Variants in RAB2A observed in about 807,000 individuals in gnomAD.
RAB2A encodes ras-related protein Rab-2A.
In RAB2A, 7 loss-of-function variants were observed where a neutral mutation model predicts 32.5. The ratio of observed to expected loss-of-function variants is 0.22; its 90% CI spans 0.12 to 0.40. The LOEUF (loss-of-function observed/expected upper bound fraction) is 0.40, where lower values mean the gene tolerates loss of function less well. RAB2A is among the 10% of genes least tolerant of loss of function. The pLI is 1.00. For synonymous variants in RAB2A, 79 were observed against 85.2 expected (o/e 0.93, Z 0.40); for missense variants, 108 against 260.7 (o/e 0.41, Z 4.03).
chr8:60,531,547 G>C (rs1807476201), intron 1 of RAB2A, among the ~76,000 whole-genome samples: 1 of 152,178 alleles, frequency 6.6e-6, no homozygotes, highest in Non-Finnish European at 1.5e-5. Flanking sequence ...TTTCCTATCT[G>C]TTGAGCATCC....
In RAB2A at chr8:60,623,601, A is replaced by G. The variant is rs1189265030; in HGVS notation, c.*2832A>G. 4 of 152,256 alleles carry G rather than the reference A, an allele frequency of 2.6e-5. No individual in the cohort carries two copies. Among genetic ancestry groups the G allele is most frequent in the Non-Finnish European group, 5.9e-5 (4 of 68,038 alleles). The allele number at this position is 152,256 out of a possible 1,614,324, so 9.4% of individuals were successfully genotyped here. A position where few individuals can be genotyped will look rare whatever the true frequency, so the allele number is the denominator to read the frequency against. On this transcript the variant is annotated 3_prime_UTR_variant, in exon 8 of 8. Transcript: ENST00000262646. ...GTTTAGATGTGTGCTTTATGTTTAC[A>G]TTAAAATAAAGCCTAACGCCACAGT...
intron 6 of RAB2A, among the ~76,000 whole-genome samples, chr8:60,597,585 T>TA (rs1804049893): frequency 6.6e-6 from 1 of 151,610 alleles, no homozygotes; most frequent in East Asian, 1.9e-4. Flanking sequence ...AAGTATAATT[T>TA]AAAAAAACAA....
intron 1 of RAB2A, among the ~76,000 whole-genome samples, chr8:60,545,679 T>C (rs549123830): frequency 6.6e-6 from 1 of 152,314 alleles, no homozygotes; most frequent in South Asian, 2.1e-4. Context: ...TGAGGGACAG[T>C]GACTCCGACC....
intron 3 of RAB2A, among the ~76,000 whole-genome samples, chr8:60,582,675 G>A (rs1334725425): frequency 2.6e-5 from 4 of 152,190 alleles, no homozygotes; most frequent in African/African-American, 9.6e-5. Flanking sequence ...ACCACACTTG[G>A]CTAATTTTTA....
intron 7 of RAB2A, 58 bp downstream of exon 7, chr8:60,618,706 A>G (rs1804486846): frequency 1.6e-6 from 1 of 631,366 alleles, no homozygotes; most frequent in Middle Eastern, 5.1e-4. Flanking sequence ...TTTGATTACT[A>G]TTTTATATTT....
chr8:60,583,873 T>C (rs2130848618), intron 3 of RAB2A, among the ~76,000 whole-genome samples: 1 of 152,336 alleles, frequency 6.6e-6, no homozygotes, highest in East Asian at 1.9e-4. Flanking sequence ...GCTTAGTTGC[T>C]AGGAGTCCAT....
chr8:60,619,138 C>CATAT (rs139755716), intron 7 of RAB2A: 16 of 126,726 alleles, frequency 1.3e-4, no homozygotes, highest in African/African-American at 7.6e-4. Context: ...AGACTAAATT[C>CATAT]ATATATATAT....
intron 1 of RAB2A, among the ~76,000 whole-genome samples, chr8:60,546,612 TTAAA>T (rs1171888173): frequency 6.6e-6 from 1 of 152,216 alleles, no homozygotes; most frequent in Non-Finnish European, 1.5e-5. Flanking sequence ...GTTTGTTTAA[TTAAA>T]TAATAATACT....
chr8:60,567,003 TTAAA>T (rs1808124860), intron 2 of RAB2A, among the ~76,000 whole-genome samples: 2 of 152,242 alleles, frequency 1.3e-5, no homozygotes, highest in South Asian at 4.1e-4. Context: ...ACACCATTAA[TTAAA>T]TAAGCCATTC....
intron 6 of RAB2A, among the ~76,000 whole-genome samples, chr8:60,596,594 A>G (rs1804032813): frequency 6.6e-6 from 1 of 152,230 alleles, no homozygotes; most frequent in African/African-American, 2.4e-5. Context: ...ACAATGAGAT[A>G]CCATCTCATG....
chr8:60,546,891 C>CTTTTTTTTTTTTTTTTTTTTTT (rs6150606), intron 1 of RAB2A, among the ~76,000 whole-genome samples: 1 of 98,948 alleles, frequency 1.0e-5, no homozygotes, highest in Non-Finnish European at 2.0e-5. Context: ...TTTTTTGGGT[C>CTTTTTTTTTTTTTTTTTTTTTT]TTTTTTTTTT....
Position 60,621,953 on chromosome 8 carries a change from A to G in RAB2A, c.*1184A>G, listed in dbSNP as rs549850657. 6.0e-4 allele frequency: 92 copies of G among 152,276 alleles called. No individual in the cohort carries two copies. Among genetic ancestry groups the G allele is most frequent in the African/African-American group, 2.1e-3 (86 of 41,554 alleles). 9.4% of individuals were successfully genotyped at this position (152,276 alleles called of 1,614,324 possible). ...TTTTTTTCTTTTTCTCCCTTGGTCT[A>G]TAATGAAATTGTTACAGCAGTGCAA... On this transcript the variant is annotated 3_prime_UTR_variant, in exon 8 of 8. Coordinates refer to ENST00000262646, the MANE Select transcript of RAB2A (RefSeq NM_002865.3).
intron 3 of RAB2A, among the ~76,000 whole-genome samples, chr8:60,578,642 G>A (rs184240908): frequency 3.6e-3 from 550 of 152,288 alleles, no homozygotes; most frequent in Non-Finnish European, 6.0e-3. Context: ...TTTAATTCAG[G>A]ATATTTAGAG....
intron 6 of RAB2A, among the ~76,000 whole-genome samples, 162 bp from the exon 7 acceptor site, chr8:60,618,418 T>G (rs1235576832): frequency 6.6e-6 from 1 of 152,136 alleles, no homozygotes; most frequent in African/African-American, 2.4e-5. Flanking sequence ...ATTACATCGA[T>G]TGTTCTTTAT....
intron 1 of RAB2A, among the ~76,000 whole-genome samples, chr8:60,548,982 C>T (rs913372507): frequency 9.3e-5 from 14 of 150,300 alleles, no homozygotes; most frequent in African/African-American, 3.0e-4. Context: ...AGGGCAGAGA[C>T]GCTCCTCACA....
At chr8:60,604,038 G>A (rs1452920758) in intron 6 of RAB2A, among the ~76,000 whole-genome samples, 1 of 152,128 alleles carries the variant, frequency 6.6e-6, no homozygotes, top group East Asian at 1.9e-4. Flanking sequence ...ATTAGATCAC[G>A]GGAGCAGTTT....
chr8:60,565,265 A>G (rs189716883), intron 2 of RAB2A, among the ~76,000 whole-genome samples: 8 of 152,256 alleles, frequency 5.3e-5, no homozygotes, highest in Non-Finnish European at 8.8e-5. Context: ...CAAAAAGTTT[A>G]AAAACTAGTC....
At chr8:60,618,319 G>A (rs559425072) in intron 6 of RAB2A, among the ~76,000 whole-genome samples, 121 of 152,230 alleles carry the variant, frequency 7.9e-4, no homozygotes, top group Admixed American at 1.2e-3. Flanking sequence ...ATTTCGACTT[G>A]AGTGTTTTTA....
At chr8:60,554,444 T>G (rs13439252) in intron 1 of RAB2A, among the ~76,000 whole-genome samples, 81,050 of 152,064 alleles carry the variant, frequency 0.53, 24,469 homozygotes, top group African/African-American at 0.83. Context: ...CTGTGTTTTG[T>G]TCTTTTCTAT....
Sources: gnomAD v4.1 joint callset for allele counts (sites outside exome capture counted in the v4.1 genomes callset) on GRCh38, gnomAD v4.1.1 for gene constraint, MANE v1.5 for transcripts, NCBI Gene and HGNC (gene_info 2026-07-23, HGNC 2026-07-21) for gene names.